Variants in MITF observed in about 807,000 individuals in gnomAD.
The protein encoded by MITF is melanocyte inducing transcription factor.
MITF carries 17 observed loss-of-function variants against 60.5 expected under a neutral mutation model. The observed-to-expected ratio is 0.28, with a 90% confidence interval of 0.19 to 0.42. The LOEUF (loss-of-function observed/expected upper bound fraction) is 0.42. Among genes scored for constraint, MITF ranks in the 10% least tolerant of loss-of-function variants. MITF has a pLI of 1.00. For missense variants in MITF, 622 were observed against 683.5 expected, an observed-to-expected ratio of 0.91 and a Z score of 1.00; for synonymous variants, 260 against 248.5, an observed-to-expected ratio of 1.05 and a Z score of -0.43.
chr3:69,963,970 CT>C (rs56921812), intron 9 of MITF, among the ~76,000 whole-genome samples: 2,955 of 86,160 alleles, frequency 0.034, 15 homozygotes, highest in Non-Finnish European at 0.044. Context: ...TTTTTCTTTT[CT>C]TTTTTTTTTT....
chr3:69,920,127 G>A (rs756634208), intron 2 of MITF, among the ~76,000 whole-genome samples: 27 of 152,054 alleles, frequency 1.8e-4, no homozygotes, highest in Non-Finnish European at 3.5e-4. Flanking sequence ...ACTTAGTGAG[G>A]TGTGACCAGA....
At chr3:69,848,960 T>C (rs895925271) in intron 1 of MITF, among the ~76,000 whole-genome samples, 38 of 129,866 alleles carry the variant, frequency 2.9e-4, no homozygotes, top group Middle Eastern at 3.7e-3. Context: ...GATTCTTCTT[T>C]TTTTTTTTTT....
chr3:69,802,486 A>G (rs1452591313), intron 1 of MITF, among the ~76,000 whole-genome samples: 1 of 152,096 alleles, frequency 6.6e-6, no homozygotes, highest in Non-Finnish European at 1.5e-5. Flanking sequence ...TTTTCAGATA[A>G]TATTCTGATG....
chr3:69,828,640 T>C (rs2063394982), intron 1 of MITF, among the ~76,000 whole-genome samples: 1 of 152,066 alleles, frequency 6.6e-6, no homozygotes, highest in Non-Finnish European at 1.5e-5. Flanking sequence ...ATCACCATGG[T>C]ATTTTGATAT....
At chr3:69,745,895 T>A (rs1392459066) in intron 1 of MITF, among the ~76,000 whole-genome samples, 3 of 152,242 alleles carry the variant, frequency 2.0e-5, no homozygotes, top group Non-Finnish European at 4.4e-5. Context: ...TGTATAAATG[T>A]GTTTAACATA....
At position 69,938,849 on chromosome 3, in the gene MITF, T is replaced by A. The variant is rs1465093049; in HGVS notation, c.583-249T>A. 3.5e-6 allele frequency: 5 copies of A among 1,421,356 alleles called. No homozygotes were observed. The East Asian group carries it at 1.3e-4, about 36-fold the overall frequency. The allele number at this position is 1,421,356 out of a possible 1,614,324, so 88.0% of individuals were successfully genotyped here. ...TTTCTAGAGTTGGATTGATTTTAAT[T>A]TCTAGAGGGACTAAAATCTTTGCCC... On this transcript the variant is annotated intron_variant, in intron 3 of 9. Coordinates refer to ENST00000352241, the MANE Select transcript of MITF (RefSeq NM_001354604.2).
Position 69,915,931 on chromosome 3 carries a change from G to A in MITF, c.355-21891G>A, listed in dbSNP as rs2107407010. Among the ~76,000 whole-genome samples the A allele has an allele frequency of 2.6e-5, 4 of 152,284 alleles. No homozygotes were observed. In the East Asian group the frequency reaches 7.7e-4, roughly 29 times the overall value. ...TCACATGTTCATTCCCTAGCTGCAA[G>A]GGAGGCTGGCAAAGGAACACCTGCA... On this transcript the variant is annotated intron_variant, in intron 2 of 9. Coordinates refer to ENST00000352241, the MANE Select transcript of MITF (RefSeq NM_001354604.2).
intron 1 of MITF, among the ~76,000 whole-genome samples, chr3:69,826,475 A>G (rs2063356515): frequency 1.3e-5 from 2 of 152,200 alleles, no homozygotes; most frequent in Non-Finnish European, 2.9e-5. Flanking sequence ...GTTGATGGAT[A>G]TTTGGAGCCT....
At chr3:69,827,006 G>A (rs1559655213) in intron 1 of MITF, among the ~76,000 whole-genome samples, 3 of 152,144 alleles carry the variant, frequency 2.0e-5, no homozygotes. Context: ...GAATAAATGA[G>A]CAGACATTAT....
At chr3:69,888,265 A>T (rs543253300) in intron 2 of MITF, among the ~76,000 whole-genome samples, 6 of 152,194 alleles carry the variant, frequency 3.9e-5, no homozygotes, top group East Asian at 1.9e-4. Flanking sequence ...AGAAATTCTT[A>T]TTGGCTAAAT....
At chr3:69,890,438 T>C (rs1484393892) in intron 2 of MITF, among the ~76,000 whole-genome samples, 4 of 152,174 alleles carry the variant, frequency 2.6e-5, no homozygotes, top group African/African-American at 9.7e-5. Context: ...GTCTTGCGAA[T>C]ATATGAGCAT....
At chr3:69,917,084 A>G (rs531090661) in intron 2 of MITF, among the ~76,000 whole-genome samples, 19 of 152,334 alleles carry the variant, frequency 1.2e-4, no homozygotes, top group African/African-American at 4.1e-4. Context: ...GTAACAGGGT[A>G]TAAAAACAAG....
chr3:69,760,818 G>A (rs1231575446), intron 1 of MITF, among the ~76,000 whole-genome samples: 1 of 152,214 alleles, frequency 6.6e-6, no homozygotes, highest in Non-Finnish European at 1.5e-5. Context: ...TCAGGGCCTA[G>A]AGGATAAAGG....
intron 9 of MITF, among the ~76,000 whole-genome samples, chr3:69,963,970 CTTTT>C (rs56921812): frequency 4.8e-4 from 41 of 86,104 alleles, no homozygotes; most frequent in Non-Finnish European, 6.6e-4. Context: ...TTTTTCTTTT[CTTTT>C]TTTTTTTTTT....
intron 2 of MITF, among the ~76,000 whole-genome samples, chr3:69,932,862 T>C (rs1476007822): frequency 6.6e-6 from 1 of 152,190 alleles, no homozygotes; most frequent in Non-Finnish European, 1.5e-5. Context: ...CTCTATGGAT[T>C]GCCATTTTTA....
chr3:69,835,131 T>C (rs929202086), intron 1 of MITF, among the ~76,000 whole-genome samples: 4 of 145,730 alleles, frequency 2.7e-5, no homozygotes, highest in African/African-American at 1.0e-4. Context: ...CATCATCCCA[T>C]TTCAATCTCC....
At chr3:69,777,905 A>G (rs1427497593) in intron 1 of MITF, among the ~76,000 whole-genome samples, 1 of 152,142 alleles carries the variant, frequency 6.6e-6, no homozygotes, top group Non-Finnish European at 1.5e-5. Context: ...AGAGGAATGG[A>G]AAGGTTTTAA....
chr3:69,830,602 C>T (rs1195075022), intron 1 of MITF, among the ~76,000 whole-genome samples: 2 of 152,176 alleles, frequency 1.3e-5, no homozygotes, highest in Admixed American at 6.5e-5. Context: ...TTTCCCTCCC[C>T]ATCCCGATGC....
At position 69,798,010 on chromosome 3, in the gene MITF, T is replaced by A. The variant is rs112588049; in HGVS notation, c.104+58309T>A. Reference sequence around the variant, plus strand: ...TCAGCATTCAAATTGAAGAGGAAAATCCATCCAGAACTTTTTGTTGGCTTC... The same window carrying A: ...TCAGCATTCAAATTGAAGAGGAAAAACCATCCAGAACTTTTTGTTGGCTTC... On this transcript the variant is annotated intron_variant, in intron 1 of 9. Transcript: ENST00000352241. Among the ~76,000 whole-genome samples, 663 of 152,352 alleles carry A rather than the reference T, an allele frequency of 4.4e-3. 6 individuals carry two copies. The highest frequency in any genetic ancestry group is 0.015 in the African/African-American group (615 of 41,590).
Sources: allele counts gnomAD v4.1 joint callset (sites outside exome capture counted in the v4.1 genomes callset), GRCh38; gene constraint gnomAD v4.1.1; transcripts MANE v1.5; gene names NCBI Gene and HGNC (gene_info 2026-07-23, HGNC 2026-07-21).